KCNG3: variants seen among roughly 807,000 people sequenced by gnomAD.
KCNG3 encodes voltage-gated potassium channel regulatory subunit KCNG3.
KCNG3 carries 15 observed loss-of-function variants against 29.0 expected under a neutral mutation model. The observed-to-expected ratio is 0.52, with a 90% confidence interval of 0.35 to 0.80. The LOEUF (loss-of-function observed/expected upper bound fraction) is 0.80. KCNG3 is among the 30% of genes least tolerant of loss of function. KCNG3 has a pLI of 0.01. For synonymous variants in KCNG3, 322 were observed against 248.9 expected (o/e 1.29, Z -2.76); for missense variants, 512 against 605.7 (o/e 0.85, Z 1.62).
intron 1 of KCNG3, among the ~76,000 whole-genome samples, chr2:42,488,610 C>T (rs1203365432): frequency 2.0e-5 from 3 of 150,822 alleles, no homozygotes; most frequent in South Asian, 4.2e-4. Context: ...AGTGCAGTAG[C>T]GTGATATCGG....
intron 1 of KCNG3, among the ~76,000 whole-genome samples, chr2:42,478,557 T>TA (rs796664433): frequency 3.7e-4 from 54 of 145,928 alleles, no homozygotes; most frequent in South Asian, 3.5e-3. Flanking sequence ...AGGTAAAGCT[T>TA]AAAAAAAAAA....
chr2:42,486,755 T>C (rs540264616), intron 1 of KCNG3, among the ~76,000 whole-genome samples: 4 of 152,332 alleles, frequency 2.6e-5, no homozygotes, highest in African/African-American at 9.6e-5. Flanking sequence ...CACCACTAAC[T>C]GCCCAGCTCC....
chr2:42,462,108 T>C (rs1673034424), intron 1 of KCNG3, among the ~76,000 whole-genome samples: 3 of 151,998 alleles, frequency 2.0e-5, no homozygotes, highest in South Asian at 2.1e-4. Flanking sequence ...ATAAATTGAG[T>C]GGTGAGAATG....
chr2:42,420,599 G>C, the KCNG3 span, among the ~76,000 whole-genome samples: 4 of 152,022 alleles, frequency 2.6e-5, no homozygotes, highest in African/African-American at 9.7e-5. Flanking sequence ...AGACCAGCCT[G>C]ACCAACACGA....
intron 1 of KCNG3, among the ~76,000 whole-genome samples, chr2:42,490,818 C>A (rs57144642): frequency 6.6e-6 from 1 of 152,164 alleles, no homozygotes. Flanking sequence ...TTTAGAAAGA[C>A]TAATTTCAGC....
the KCNG3 span, among the ~76,000 whole-genome samples, chr2:42,418,776 G>A: frequency 6.6e-6 from 1 of 152,258 alleles, no homozygotes; most frequent in South Asian, 2.1e-4. Flanking sequence ...GGCTCCACTG[G>A]TAGCCAGCCA....
the KCNG3 span, among the ~76,000 whole-genome samples, chr2:42,420,601 C>T: frequency 6.6e-6 from 1 of 152,008 alleles, no homozygotes; most frequent in African/African-American, 2.4e-5. Context: ...ACCAGCCTGA[C>T]CAACACGATG....
chr2:42,454,512 G>A (rs972951941), intron 1 of KCNG3, among the ~76,000 whole-genome samples: 1 of 152,172 alleles, frequency 6.6e-6, no homozygotes, highest in African/African-American at 2.4e-5. Context: ...AGGAGTTAAA[G>A]ACCAGCCTGG....
rs764165582 is a variant in KCNG3, at chr2:42,444,326, T to C, written c.919A>G (p.Ile307Val). Reference sequence around the variant, plus strand: ...GTCAAACCGAGTGTCTGAAGACCAATGAAGTGACGGGCAAGCTTAATCACC... The same window carrying C: ...GTCAAACCGAGTGTCTGAAGACCAACGAAGTGACGGGCAAGCTTAATCACC... ...FWVIKLARHF[I>V]GLQTLGLTLK... is the part of the protein sequence containing the mutation. The change falls in exon 2 of 2, where the codon ATT (isoleucine) becomes GTT (valine). Residue 307 changes from isoleucine to valine, a missense_variant. Coordinates refer to ENST00000306078, the MANE Select transcript of KCNG3 (RefSeq NM_133329.6). This position sits in a 1 kb window ranked among gnomAD's most constrained non-coding sequence, Gnocchi z 5.8. 9.3e-6 allele frequency: 15 copies of C among 1,614,014 alleles called. No individual in the cohort carries two copies. The Admixed American group carries it at 1.3e-4, about 14-fold the overall frequency.
intron 1 of KCNG3, among the ~76,000 whole-genome samples, chr2:42,455,501 C>T (rs919452532): frequency 6.6e-6 from 1 of 152,204 alleles, no homozygotes; most frequent in Non-Finnish European, 1.5e-5. Context: ...TAGTTCATGT[C>T]TGTAATCCCA....
At chr2:42,428,364 G>A in the KCNG3 span, among the ~76,000 whole-genome samples, 1 of 150,868 alleles carries the variant, frequency 6.6e-6, no homozygotes, top group Non-Finnish European at 1.5e-5. Flanking sequence ...AGGAGGCTGA[G>A]GCAGGAGAAT....
At chr2:42,464,676 A>C (rs1378541598) in intron 1 of KCNG3, among the ~76,000 whole-genome samples, 1 of 152,186 alleles carries the variant, frequency 6.6e-6, no homozygotes, top group Non-Finnish European at 1.5e-5. Flanking sequence ...TTGCCTTTGC[A>C]CATCTACCCT....
chr2:42,425,508 G>A, the KCNG3 span, among the ~76,000 whole-genome samples: 1 of 151,932 alleles, frequency 6.6e-6, no homozygotes, highest in Non-Finnish European at 1.5e-5. Flanking sequence ...GGGAGTGGGA[G>A]GAGGATCATG....
At chr2:42,471,983 A>ATGG (rs1274915683) in intron 1 of KCNG3, among the ~76,000 whole-genome samples, 1 of 152,200 alleles carries the variant, frequency 6.6e-6, no homozygotes, top group Non-Finnish European at 1.5e-5. Flanking sequence ...ACATGTAGAA[A>ATGG]TGGCAAGGAT....
At chr2:42,462,226 T>C (rs1224475209) in intron 1 of KCNG3, among the ~76,000 whole-genome samples, 1 of 152,174 alleles carries the variant, frequency 6.6e-6, no homozygotes, top group Non-Finnish European at 1.5e-5. Context: ...CATACTCTAG[T>C]GCAAGGGCAA....
intron 1 of KCNG3, among the ~76,000 whole-genome samples, chr2:42,477,402 C>CAT (rs1314751300): frequency 2.0e-5 from 1 of 50,096 alleles, no homozygotes; most frequent in Non-Finnish European, 4.7e-5. Context: ...CACACACACA[C>CAT]ACACACACAC....
At chr2:42,448,967 G>A (rs1172654644) in intron 1 of KCNG3, among the ~76,000 whole-genome samples, 1 of 151,270 alleles carries the variant, frequency 6.6e-6, no homozygotes, top group Non-Finnish European at 1.5e-5. Flanking sequence ...GACAGAGCGA[G>A]ACTCCGTCTC....
rs1673680983 is a variant in KCNG3, at chr2:42,484,802, G to A, written c.665+8035C>T. Among the ~76,000 whole-genome samples, 4 of 152,204 alleles carry A rather than the reference G, an allele frequency of 2.6e-5. No homozygotes were observed. The South Asian group carries it at 8.3e-4, about 32-fold the overall frequency. ...ACAGAAAGGGCATTGACAAAAGAAA[G>A]TTTCCACTGAATTCTAAAATTGGCA... On this transcript the variant is annotated intron_variant, in intron 1 of 1. Transcript: ENST00000306078.
At chr2:42,407,885 C>T in the KCNG3 span, among the ~76,000 whole-genome samples, 3 of 152,170 alleles carry the variant, frequency 2.0e-5, no homozygotes, top group Non-Finnish European at 4.4e-5. Flanking sequence ...CCACCCAAAC[C>T]GTGGCTGTGG....
Sources: gnomAD v4.1 joint callset for allele counts (sites outside exome capture counted in the v4.1 genomes callset) on GRCh38, gnomAD v4.1.1 for gene constraint, Gnocchi (gnomAD v3.1) non-coding constraint, MANE v1.5 for transcripts, NCBI Gene and HGNC (gene_info 2026-07-23, HGNC 2026-07-21) for gene names.